CHP1: variants seen among roughly 807,000 people sequenced by gnomAD.
CHP1 encodes the protein calcineurin like EF-hand protein 1.
Under a neutral mutation model 27.4 loss-of-function variants are expected in CHP1, and 11 were observed. The observed-to-expected ratio is 0.40, with a 90% CI of 0.25 to 0.67. The LOEUF (loss-of-function observed/expected upper bound fraction) is 0.67. CHP1 is among the 30% of genes least tolerant of loss of function. The probability of loss-of-function intolerance (pLI) is 0.38; values close to 1 mark genes in which losing one functional copy is unlikely to be tolerated. For synonymous variants in CHP1, 89 were observed against 87.4 expected (o/e 1.02, Z -0.10); for missense variants, 169 against 251.3 (o/e 0.67, Z 2.22).
intron 5 of CHP1, among the ~76,000 whole-genome samples, chr15:41,275,159 T>G (rs2047513336): frequency 6.6e-6 from 1 of 152,038 alleles, no homozygotes; most frequent in Admixed American, 6.6e-5. Context: ...CAATTTTCTT[T>G]TCTTTTTTTT....
At chr15:41,261,985 TC>T (rs1254188527) in intron 3 of CHP1, among the ~76,000 whole-genome samples, 2 of 92,922 alleles carry the variant, frequency 2.2e-5, no homozygotes, top group African/African-American at 8.9e-5. Context: ...AGAGCAAAAC[TC>T]CATCTCAAAA....
chr15:41,252,256 G>A (rs1480958867), intron 2 of CHP1, among the ~76,000 whole-genome samples: 20 of 151,092 alleles, frequency 1.3e-4, no homozygotes, highest in Admixed American at 1.1e-3. Flanking sequence ...TGCAACCTCC[G>A]CCTCCCGGGT....
intron 1 of CHP1, among the ~76,000 whole-genome samples, chr15:41,232,208 A>ATTT (rs541011609): frequency 3.2e-4 from 42 of 131,618 alleles, no homozygotes; most frequent in African/African-American, 1.1e-3. Flanking sequence ...CTAGGAACTG[A>ATTT]TTTTTTTTTT....
intron 4 of CHP1, among the ~76,000 whole-genome samples, chr15:41,267,892 C>G (rs984275544): frequency 1.4e-5 from 2 of 146,226 alleles, no homozygotes; most frequent in Non-Finnish European, 3.0e-5. Flanking sequence ...CATGATTGCA[C>G]CACTGCACTC....
chr15:41,241,568 G>A (rs1032357831), intron 1 of CHP1, among the ~76,000 whole-genome samples: 4 of 152,198 alleles, frequency 2.6e-5, no homozygotes, highest in Admixed American at 2.6e-4. Context: ...CTGTCCGGCT[G>A]GCAAAACAGT....
intron 1 of CHP1, among the ~76,000 whole-genome samples, chr15:41,238,618 A>G (rs1390345605): frequency 6.6e-6 from 1 of 151,780 alleles, no homozygotes; most frequent in Non-Finnish European, 1.5e-5. Context: ...AGGCGGGTGG[A>G]TCACGAGGTC....
intron 1 of CHP1, among the ~76,000 whole-genome samples, chr15:41,243,056 T>C (rs1050850740): frequency 6.6e-6 from 1 of 152,082 alleles, no homozygotes; most frequent in African/African-American, 2.4e-5. Context: ...AAACTAAATT[T>C]GGGCTGGGCA....
intron 2 of CHP1, among the ~76,000 whole-genome samples, chr15:41,255,233 C>T (rs552932550): frequency 1.2e-4 from 19 of 152,190 alleles, no homozygotes; most frequent in South Asian, 1.0e-3. Context: ...TCTCTTTAGC[C>T]CCCCCTTGAT....
intron 3 of CHP1, among the ~76,000 whole-genome samples, chr15:41,260,464 G>A (rs1324917520): frequency 1.4e-5 from 2 of 147,384 alleles, no homozygotes; most frequent in Non-Finnish European, 3.0e-5. Context: ...GTGCAGTCTC[G>A]ACTCATTGCA....
chr15:41,231,322 C>G lies in CHP1; in HGVS notation c.-61C>G. On this transcript the variant is annotated 5_prime_UTR_variant, in exon 1 of 7. Coordinates refer to ENST00000334660, the MANE Select transcript of CHP1 (RefSeq NM_007236.5). ...CCCCTAGCCCTTCCTTCCCTCCCTC[C>G]TTCCCTCCTGTCGCCGTCTCTTCTG... 6.7e-7 allele frequency: 1 copy of G among 1,491,858 alleles called. No individual in the cohort carries two copies. The highest frequency in any genetic ancestry group is 1.2e-5 in the South Asian group (1 of 83,220). 92.4% of individuals were successfully genotyped at this position (1,491,858 alleles called of 1,614,324 possible).
At chr15:41,246,097 C>T (rs2047333067) in intron 2 of CHP1, among the ~76,000 whole-genome samples, 2 of 152,046 alleles carry the variant, frequency 1.3e-5, no homozygotes, top group South Asian at 2.1e-4. Context: ...TGAAAAATAA[C>T]TAGACTAGAA....
intron 5 of CHP1, among the ~76,000 whole-genome samples, chr15:41,271,052 G>A (rs1265466477): frequency 5.9e-5 from 9 of 152,094 alleles, no homozygotes; most frequent in South Asian, 2.1e-4. Context: ...TCAGGAGATC[G>A]AGACCATCCT....
At chr15:41,258,132 A>G (rs1595477676) in intron 3 of CHP1, among the ~76,000 whole-genome samples, 1 of 151,626 alleles carries the variant, frequency 6.6e-6, no homozygotes, top group African/African-American at 2.4e-5. Context: ...ATACATACAC[A>G]TACATACATG....
intron 2 of CHP1, among the ~76,000 whole-genome samples, chr15:41,256,448 A>C (rs1306365822): frequency 6.6e-6 from 1 of 152,206 alleles, no homozygotes; most frequent in Non-Finnish European, 1.5e-5. Context: ...ATAGCACCTA[A>C]GAATTCCTTG....
chr15:41,236,436 AT>A (rs1197630887), intron 1 of CHP1, among the ~76,000 whole-genome samples: 1 of 150,036 alleles, frequency 6.7e-6, no homozygotes, highest in Non-Finnish European at 1.5e-5. Context: ...TAATTTTTTA[AT>A]TTTTTGTAGA....
chr15:41,242,050 C>T (rs2047309548), intron 1 of CHP1, among the ~76,000 whole-genome samples: 1 of 152,138 alleles, frequency 6.6e-6, no homozygotes. Context: ...TATGTACCTG[C>T]CATTATTGCC....
chr15:41,234,705 A>G (rs1032690925), intron 1 of CHP1, among the ~76,000 whole-genome samples: 2 of 152,208 alleles, frequency 1.3e-5, no homozygotes, highest in Admixed American at 1.3e-4. Context: ...TGCCTACTTT[A>G]TAGGATTCTT....
intron 4 of CHP1, among the ~76,000 whole-genome samples, chr15:41,269,281 C>T (rs1171977636): frequency 2.0e-5 from 3 of 152,122 alleles, no homozygotes; most frequent in Admixed American, 2.0e-4. Flanking sequence ...TATGAAGTCT[C>T]TCCTAGCTAC....
chr15:41,260,821 G>GT (rs1391447617), intron 3 of CHP1, among the ~76,000 whole-genome samples: 1 of 151,430 alleles, frequency 6.6e-6, no homozygotes, highest in Non-Finnish European at 1.5e-5. Context: ...ATGCTTAAAA[G>GT]TTAAAAAAAA....
Sources: gnomAD v4.1 joint callset for allele counts (sites outside exome capture counted in the v4.1 genomes callset) on GRCh38, gnomAD v4.1.1 for gene constraint, MANE v1.5 for transcripts, NCBI Gene and HGNC (gene_info 2026-07-23, HGNC 2026-07-21) for gene names.